Variants in MAML2 observed in about 807,000 individuals in gnomAD.
MAML2 encodes mastermind like transcriptional coactivator 2, also known as mastermind-like protein 2.
A neutral mutation model predicts 96.1 loss-of-function variants in MAML2; 22 were observed. The ratio of observed to expected loss-of-function variants is 0.23; its 90% confidence interval spans 0.16 to 0.33. MAML2 has a LOEUF of 0.33. Ranked by LOEUF, MAML2 falls within the 10% of genes least tolerant of loss-of-function variation. MAML2 has a pLI of 1.00. For missense variants in MAML2, 1,367 were observed against 1,392.4 expected (o/e 0.98, Z 0.29); for synonymous variants, 561 against 521.3 (o/e 1.08, Z -1.04).
chr11:95,993,928 G>A (rs1857952985), intron 2 of MAML2, among the ~76,000 whole-genome samples: 1 of 152,158 alleles, frequency 6.6e-6, no homozygotes, highest in Non-Finnish European at 1.5e-5. Context: ...GCAAGAACTT[G>A]TATTATTAAC....
chr11:96,092,736 T>C lies in MAML2; in HGVS notation c.1295A>G (p.His432Arg). Residue 432 changes from histidine (H) to arginine (R), a missense_variant, in exon 2 of 5, where the codon CAT becomes CGT. Physicochemically the swap from His to Arg is conservative, Grantham distance 29 (BLOSUM62 0). Coordinates refer to ENST00000524717, the MANE Select transcript of MAML2 (RefSeq NM_032427.4). The surrounding 1 kb of genome is among the most constrained non-coding windows in gnomAD (Gnocchi z 4.1). ...RALPSWQEVSHAQQLKQIAAN... is the reference protein window; with the variant it reads ...RALPSWQEVSRAQQLKQIAAN... The stretch of plus-strand genomic sequence containing the variant: ...AGCTATCTGTTTGAGCTGCTGGGCA[T>C]GGGATACTTCCTGCCAGCTTGGCAA... 1.2e-6 allele frequency: 2 copies of C among 1,613,982 alleles called. No homozygotes were observed. The highest frequency in any genetic ancestry group is 1.7e-6 in the Non-Finnish European group (2 of 1,179,902).
chr11:96,172,999 T>C (rs1394515757), intron 1 of MAML2, among the ~76,000 whole-genome samples: 2 of 152,232 alleles, frequency 1.3e-5, no homozygotes, highest in Admixed American at 1.3e-4. Context: ...ATGATAAGAT[T>C]CTACTTCCTT....
chr11:96,223,416 C>A (rs1020332167), intron 1 of MAML2, among the ~76,000 whole-genome samples: 1 of 152,126 alleles, frequency 6.6e-6, no homozygotes, highest in African/African-American at 2.4e-5. Flanking sequence ...AAAGACAAAG[C>A]ATATTTTACT....
intron 1 of MAML2, among the ~76,000 whole-genome samples, chr11:96,116,175 A>G (rs1860237217): frequency 6.6e-6 from 1 of 152,204 alleles, no homozygotes; most frequent in Non-Finnish European, 1.5e-5. Context: ...GTTTCTCTTT[A>G]TACCGCTATA....
intron 2 of MAML2, among the ~76,000 whole-genome samples, chr11:96,078,822 C>A (rs1423725060): frequency 6.6e-6 from 1 of 152,240 alleles, no homozygotes; most frequent in African/African-American, 2.4e-5. Context: ...ATTCTACCTT[C>A]TTTCATTCAT....
chr11:96,153,641 G>C lies in MAML2; in HGVS notation c.514-60124C>G, dbSNP rs556593199. On this transcript the variant is annotated intron_variant, in intron 1 of 4. Transcript: ENST00000524717. ...AAGTTAAAAATAGTGGCTGGGTGTGGTGGCTCACACCTGTAATCCCAGCAC... is the reference window on the plus strand; with the variant it reads ...AAGTTAAAAATAGTGGCTGGGTGTGCTGGCTCACACCTGTAATCCCAGCAC... Among the ~76,000 whole-genome samples the C allele has an allele frequency of 5.2e-4, 79 of 152,274 alleles. 1 individual carries two copies. In the South Asian group the frequency reaches 8.7e-3, roughly 17 times the overall value.
At chr11:96,004,873 T>C (rs557955290) in intron 2 of MAML2, among the ~76,000 whole-genome samples, 1 of 152,328 alleles carries the variant, frequency 6.6e-6, no homozygotes, top group South Asian at 2.1e-4. Flanking sequence ...AAAATTCCTG[T>C]TGAAACTTAA....
At chr11:96,190,344 T>A (rs1035315341) in intron 1 of MAML2, among the ~76,000 whole-genome samples, 5 of 152,096 alleles carry the variant, frequency 3.3e-5, no homozygotes, top group African/African-American at 1.2e-4. Context: ...CCAGGGAAGG[T>A]TAATGAGGGG....
intron 1 of MAML2, among the ~76,000 whole-genome samples, chr11:96,189,465 C>T (rs1044686962): frequency 1.3e-5 from 2 of 152,164 alleles, no homozygotes; most frequent in Non-Finnish European, 2.9e-5. Context: ...TAAGCTTAAA[C>T]ACTATTGCGG....
At chr11:96,106,920 T>C (rs2135827622) in intron 1 of MAML2, among the ~76,000 whole-genome samples, 2 of 151,706 alleles carry the variant, frequency 1.3e-5, no homozygotes, top group South Asian at 4.2e-4. Flanking sequence ...TCCTTACACA[T>C]GACCACTTCG....
chr11:96,154,816 C>A (rs1037800046), intron 1 of MAML2, among the ~76,000 whole-genome samples: 4 of 152,198 alleles, frequency 2.6e-5, no homozygotes, highest in African/African-American at 9.7e-5. Context: ...GCAGAAAGGG[C>A]ACCTTAACCT....
At chr11:96,115,167 T>C (rs1476186794) in intron 1 of MAML2, among the ~76,000 whole-genome samples, 1 of 151,880 alleles carries the variant, frequency 6.6e-6, no homozygotes, top group Non-Finnish European at 1.5e-5. Context: ...TTTTTTGCTT[T>C]TTTTTTTTTC....
At chr11:95,994,457 G>A (rs1448102541) in intron 2 of MAML2, among the ~76,000 whole-genome samples, 8 of 152,300 alleles carry the variant, frequency 5.3e-5, no homozygotes, top group Admixed American at 4.6e-4. Context: ...AATGGCAAAT[G>A]AGGATCGGTG....
chr11:96,279,275 A>G (rs1321254531), intron 1 of MAML2, among the ~76,000 whole-genome samples: 8 of 152,216 alleles, frequency 5.3e-5, no homozygotes, highest in Non-Finnish European at 1.2e-4. Flanking sequence ...CGGAGACTGC[A>G]CAGAGTGAGA....
At chr11:96,247,430 C>T (rs1261996572) in intron 1 of MAML2, among the ~76,000 whole-genome samples, 1 of 151,986 alleles carries the variant, frequency 6.6e-6, no homozygotes, top group African/African-American at 2.4e-5. Flanking sequence ...AAGCATAAAG[C>T]CTAGATCAGA....
chr11:96,108,878 C>CA (rs1860072167), intron 1 of MAML2, among the ~76,000 whole-genome samples: 2 of 151,848 alleles, frequency 1.3e-5, no homozygotes, highest in African/African-American at 2.4e-5. Context: ...ACAAAAAATA[C>CA]AAAAAATTAG....
At chr11:96,323,675 C>T (rs886727635) in intron 1 of MAML2, among the ~76,000 whole-genome samples, 2 of 152,176 alleles carry the variant, frequency 1.3e-5, no homozygotes, top group Admixed American at 6.5e-5. Flanking sequence ...ACAATTCATC[C>T]GGAATCTCTA....
chr11:96,093,992 T>A (rs1859784367), intron 1 of MAML2, among the ~76,000 whole-genome samples: 1 of 151,794 alleles, frequency 6.6e-6, no homozygotes, highest in Non-Finnish European at 1.5e-5. Flanking sequence ...CTAGTTTCTT[T>A]TTTTTTTCAC....
intron 1 of MAML2, among the ~76,000 whole-genome samples, chr11:96,168,851 G>C (rs2155001): frequency 0.14 from 20,563 of 152,160 alleles, 1,601 homozygotes; most frequent in East Asian, 0.21. Flanking sequence ...GTGCTGGCTG[G>C]TGTGGGGATT....
Sources: allele counts gnomAD v4.1 joint callset (sites outside exome capture counted in the v4.1 genomes callset), GRCh38; gene constraint gnomAD v4.1.1; non-coding constraint Gnocchi (gnomAD v3.1); transcripts MANE v1.5; gene names NCBI Gene and HGNC (gene_info 2026-07-23, HGNC 2026-07-21).